The following FBXO25 variants were observed in gnomAD, a reference collection of about 807,000 sequenced individuals.
FBXO25 encodes F-box protein 25.
FBXO25 carries 45 observed loss-of-function variants against 51.9 expected under a neutral mutation model. The observed-to-expected ratio is 0.87, with a 90% CI of 0.68 to 1.11. The LOEUF (loss-of-function observed/expected upper bound fraction) is 1.11, where lower values mean the gene tolerates loss of function less well. Among genes scored for constraint, FBXO25 ranks in the 50% most tolerant of loss-of-function variants. FBXO25 has a pLI of 0.00. For missense variants in FBXO25, 507 were observed against 428.5 expected (o/e 1.18, Z -1.62); for synonymous variants, 199 against 151.0 (o/e 1.32, Z -2.33).
At chr8:419,669 G>T (rs1797034143) in intron 2 of FBXO25, among the ~76,000 whole-genome samples, 1 of 152,054 alleles carries the variant, frequency 6.6e-6, no homozygotes, top group Admixed American at 6.5e-5. Flanking sequence ...ACTCAAAATG[G>T]ATCATATACC....
intron 2 of FBXO25, among the ~76,000 whole-genome samples, chr8:424,210 T>C (rs889392457): frequency 6.6e-6 from 1 of 151,878 alleles, no homozygotes. Flanking sequence ...TGCCCATTTT[T>C]TAATGGGGTT....
chr8:407,370 T>C lies in FBXO25; in HGVS notation c.-8+304T>C, dbSNP rs868008940. On this transcript the variant is annotated intron_variant, in intron 1 of 9. Coordinates refer to ENST00000350302, the MANE Select transcript of FBXO25 (RefSeq NM_183420.2). Reference sequence around the variant, plus strand: ...GCGTGCGCGTCTGCTGAAGTCTGGGTCCGCGGGCGCGTCAGGTAGGGACGA... The same window carrying C: ...GCGTGCGCGTCTGCTGAAGTCTGGGCCCGCGGGCGCGTCAGGTAGGGACGA... 5.3e-5 allele frequency: 49 copies of C among 929,642 alleles called. No homozygotes were observed. In the Middle Eastern group the frequency reaches 2.9e-3, roughly 54 times the overall value. The allele number at this position is 929,642 out of a possible 1,614,324, so 57.6% of individuals were successfully genotyped here.
chr8:450,155 CT>C, intron 6 of FBXO25, 72 bp downstream of exon 6: 1 of 1,116,470 alleles, frequency 9.0e-7, no homozygotes, highest in Non-Finnish European at 1.3e-6. Flanking sequence ...TGGGATTTTT[CT>C]TTTATCTTTA....
intron 7 of FBXO25, among the ~76,000 whole-genome samples, chr8:457,756 C>T (rs146966900): frequency 2.0e-4 from 31 of 152,298 alleles, no homozygotes; most frequent in South Asian, 6.2e-4. Flanking sequence ...CGGTTCATAA[C>T]GCATACAAGC....
At chr8:453,981 A>T (rs949504546) in intron 7 of FBXO25, among the ~76,000 whole-genome samples, 1 of 152,042 alleles carries the variant, frequency 6.6e-6, no homozygotes, top group Non-Finnish European at 1.5e-5. Flanking sequence ...AAAATTGGCC[A>T]GGTGTGGTGG....
At chr8:428,335 A>C (rs1196170916) in intron 2 of FBXO25, among the ~76,000 whole-genome samples, 1 of 152,016 alleles carries the variant, frequency 6.6e-6, no homozygotes, top group East Asian at 1.9e-4. Context: ...ACATGTTTTA[A>C]GTTTATGGAA....
At chr8:409,425 T>C (rs2053793) in intron 1 of FBXO25, among the ~76,000 whole-genome samples, 4 of 152,194 alleles carry the variant, frequency 2.6e-5, no homozygotes, top group Admixed American at 2.0e-4. Context: ...ATCAAACTTA[T>C]CAGCTGAGAA....
At chr8:424,637 G>A (rs1797360584) in intron 2 of FBXO25, among the ~76,000 whole-genome samples, 3 of 152,144 alleles carry the variant, frequency 2.0e-5, no homozygotes, top group African/African-American at 7.2e-5. Context: ...TTCCACTGCT[G>A]TTTTTGCTGG....
Position 474,951 on chromosome 8 carries a change from C to G in FBXO25, c.*6147C>G, listed in dbSNP as rs1054280870. ...GTCCCATTCCGTGGATTGCCTTTCA[C>G]TCTGTTTTGTTCTTTGATGTACAGA... On this transcript the variant is annotated 3_prime_UTR_variant, in exon 10 of 10. Coordinates refer to ENST00000350302, the MANE Select transcript of FBXO25 (RefSeq NM_183420.2). 2.3e-6 allele frequency: 1 copy of G among 435,452 alleles called. No individual in the cohort carries two copies. The highest frequency in any genetic ancestry group is 2.1e-5 in the African/African-American group (1 of 48,426). 27.0% of individuals were successfully genotyped at this position (435,452 alleles called of 1,614,324 possible). A position where few individuals can be genotyped will look rare whatever the true frequency, so the allele number is the denominator to read the frequency against.
At chr8:412,892 G>C (rs1030050719) in intron 1 of FBXO25, among the ~76,000 whole-genome samples, 181 bp from the exon 2 acceptor site, 4 of 152,136 alleles carry the variant, frequency 2.6e-5, no homozygotes, top group Non-Finnish European at 5.9e-5. Flanking sequence ...TACCCCATTT[G>C]ATCACTTTAG....
intron 2 of FBXO25, among the ~76,000 whole-genome samples, chr8:429,092 G>A (rs1424038911): frequency 2.6e-5 from 4 of 152,072 alleles, no homozygotes; most frequent in African/African-American, 9.7e-5. Context: ...GTAATTCTAT[G>A]TTTAATTTTT....
intron 4 of FBXO25, among the ~76,000 whole-genome samples, chr8:433,296 G>A (rs1022396104): frequency 1.3e-5 from 2 of 152,158 alleles, no homozygotes; most frequent in African/African-American, 4.8e-5. Flanking sequence ...TATGTGTGCA[G>A]TGTGTGGTTC....
chr8:435,492 G>C, intron 4 of FBXO25, 123 bp from the exon 5 acceptor site: 4 of 1,056,012 alleles, frequency 3.8e-6, no homozygotes, highest in Non-Finnish European at 5.5e-6. Flanking sequence ...TCTAAAATCA[G>C]TCTTCAAAAT....
In FBXO25 at chr8:474,859, G is replaced by A; in HGVS notation, c.*6055G>A. 1 of 455,358 alleles carries A rather than the reference G, an allele frequency of 2.2e-6. No individual in the cohort carries two copies. Among genetic ancestry groups the A allele is most frequent in the Non-Finnish European group, 4.4e-6 (1 of 226,818 alleles). 28.2% of individuals were successfully genotyped at this position (455,358 alleles called of 1,614,324 possible). The stretch of plus-strand genomic sequence containing the variant: ...TTCTTTCTTTTAGTTACCTGTGTGT[G>A]CCTCTGGTGTCATATCTAAGAAATC... On this transcript the variant is annotated 3_prime_UTR_variant, in exon 10 of 10. Transcript: ENST00000350302.
At chr8:441,802 C>A (rs1798441568) in intron 5 of FBXO25, among the ~76,000 whole-genome samples, 2 of 152,182 alleles carry the variant, frequency 1.3e-5, no homozygotes, top group Non-Finnish European at 2.9e-5. Context: ...ATCAAAACCA[C>A]AATGACATAC....
chr8:448,863 T>C (rs909982942), intron 5 of FBXO25, among the ~76,000 whole-genome samples: 5 of 152,212 alleles, frequency 3.3e-5, no homozygotes, highest in African/African-American at 1.2e-4. Flanking sequence ...TAAGATGTGT[T>C]GTATGAGGAT....
rs12156029 is a variant in FBXO25 at position 447,109 on chromosome 8, C to A, written c.382-2881C>A. Among the ~76,000 whole-genome samples, 795 of 152,258 alleles carry A rather than the reference C, an allele frequency of 5.2e-3. 1 individual carries two copies. The highest frequency in any genetic ancestry group is 9.4e-3 in the Non-Finnish European group (639 of 68,034). Reference sequence around the variant, plus strand: ...GGTCTAGAAGTCGAGCCCCACATACCCTGTGCACTGAGAGGCTGAGTCGCA... The same window carrying A: ...GGTCTAGAAGTCGAGCCCCACATACACTGTGCACTGAGAGGCTGAGTCGCA... On this transcript the variant is annotated intron_variant, in intron 5 of 9. Coordinates refer to ENST00000350302, the MANE Select transcript of FBXO25 (RefSeq NM_183420.2).
intron 8 of FBXO25, among the ~76,000 whole-genome samples, chr8:458,823 C>T (rs578032208): frequency 2.6e-5 from 4 of 152,296 alleles, no homozygotes; most frequent in Non-Finnish European, 4.4e-5. Context: ...CTGTTGATAA[C>T]GAGGTGCATA....
intron 8 of FBXO25, among the ~76,000 whole-genome samples, chr8:459,366 C>T (rs1463403195): frequency 1.3e-5 from 2 of 152,198 alleles, no homozygotes; most frequent in African/African-American, 4.8e-5. Context: ...AGGCAGAGAG[C>T]CGGACCCTAG....
Sources: gnomAD v4.1 joint callset for allele counts (sites outside exome capture counted in the v4.1 genomes callset) on GRCh38, gnomAD v4.1.1 for gene constraint, MANE v1.5 for transcripts, NCBI Gene and HGNC (gene_info 2026-07-23, HGNC 2026-07-21) for gene names.